Variants in MED13L observed in about 807,000 individuals in gnomAD.
The protein encoded by MED13L is mediator of RNA polymerase II transcription subunit 13-like.
MED13L carries 7 observed loss-of-function variants against 220.9 expected under a neutral mutation model. The observed-to-expected ratio is 0.03, with a 90% CI of 0.02 to 0.06. The LOEUF is 0.06. Ranked by LOEUF, MED13L falls within the 10% of genes least tolerant of loss-of-function variation. The pLI, the probability that MED13L is intolerant of heterozygous loss-of-function variation, is 1.00. For synonymous variants in MED13L, 1,011 were observed against 1,015.2 expected (o/e 1.00, Z 0.08); for missense variants, 1,965 against 2,760.5 (o/e 0.71, Z 6.46).
At chr12:116,160,023 T>C (rs2138131899) in intron 2 of MED13L, among the ~76,000 whole-genome samples, 1 of 152,346 alleles carries the variant, frequency 6.6e-6, no homozygotes, top group East Asian at 1.9e-4. Flanking sequence ...ACGCAGACCC[T>C]GTGATTTCTT....
intron 19 of MED13L, among the ~76,000 whole-genome samples, chr12:115,984,698 C>A (rs538974620): frequency 1.3e-5 from 2 of 152,118 alleles, no homozygotes; most frequent in Non-Finnish European, 2.9e-5. Flanking sequence ...CAGATTCCTG[C>A]CTACTGTTGC....
At chr12:116,141,378 T>C (rs1301165610) in intron 2 of MED13L, among the ~76,000 whole-genome samples, 1 of 152,076 alleles carries the variant, frequency 6.6e-6, no homozygotes, top group Admixed American at 6.6e-5. Context: ...GACCCAGAAA[T>C]AGGGTTACAC....
At chr12:116,164,298 A>C (rs898302334) in intron 2 of MED13L, among the ~76,000 whole-genome samples, 4 of 152,206 alleles carry the variant, frequency 2.6e-5, no homozygotes, top group African/African-American at 7.2e-5. Flanking sequence ...TATTTAAACA[A>C]TCTCAAATAA....
At chr12:116,143,344 A>G (rs1057211697) in intron 2 of MED13L, among the ~76,000 whole-genome samples, 1 of 151,898 alleles carries the variant, frequency 6.6e-6, no homozygotes, top group Non-Finnish European at 1.5e-5. Flanking sequence ...AAAAAAAAAA[A>G]AAGAGGGAAA....
chr12:116,226,868 C>CAAA (rs1170342196), intron 2 of MED13L, among the ~76,000 whole-genome samples: 1 of 63,876 alleles, frequency 1.6e-5, no homozygotes, highest in Non-Finnish European at 3.0e-5. Flanking sequence ...GACTCCATCT[C>CAAA]AAAAAAAAAA....
intron 13 of MED13L, among the ~76,000 whole-genome samples, 193 bp downstream of exon 13, chr12:116,005,676 C>A (rs528795005): frequency 6.6e-6 from 1 of 152,248 alleles, no homozygotes; most frequent in East Asian, 1.9e-4. Context: ...CCTTTACAAT[C>A]TTTTCCAAGT....
chr12:115,997,436 T>A (rs1279667255), intron 14 of MED13L, among the ~76,000 whole-genome samples: 1 of 152,204 alleles, frequency 6.6e-6, no homozygotes, highest in Non-Finnish European at 1.5e-5. Flanking sequence ...TTGTTTTGTT[T>A]CGTGAGACAA....
intron 1 of MED13L, among the ~76,000 whole-genome samples, chr12:116,251,498 G>A (rs1221698021): frequency 6.9e-6 from 1 of 144,468 alleles, no homozygotes; most frequent in Admixed American, 6.8e-5. Flanking sequence ...GGTGGCTCAC[G>A]CCTGTAATCC....
intron 8 of MED13L, among the ~76,000 whole-genome samples, chr12:116,013,229 G>T (rs935658472): frequency 6.6e-6 from 1 of 152,138 alleles, no homozygotes; most frequent in African/African-American, 2.4e-5. Context: ...AATTAGCCGG[G>T]CATGGTGGCG....
intron 2 of MED13L, among the ~76,000 whole-genome samples, chr12:116,187,850 G>A (rs6490050): frequency 0.43 from 64,410 of 150,874 alleles, 13,888 homozygotes; most frequent in South Asian, 0.49. Context: ...GGGCCTGGAG[G>A]GTACTGCTTT....
chr12:116,136,049 C>T (rs1876523204), intron 2 of MED13L, among the ~76,000 whole-genome samples: 1 of 151,962 alleles, frequency 6.6e-6, no homozygotes, highest in Non-Finnish European at 1.5e-5. Flanking sequence ...ATTACAGGCA[C>T]CCGCCACCAT....
chr12:116,050,800 G>C (rs1039276451), intron 4 of MED13L, among the ~76,000 whole-genome samples: 1 of 152,068 alleles, frequency 6.6e-6, no homozygotes, highest in Non-Finnish European at 1.5e-5. Context: ...TCAGCCAGGC[G>C]TGGTGGCACA....
intron 2 of MED13L, among the ~76,000 whole-genome samples, chr12:116,195,114 A>C (rs1486434284): frequency 6.6e-6 from 1 of 152,212 alleles, no homozygotes; most frequent in Admixed American, 6.5e-5. Flanking sequence ...TTCAGGAAGT[A>C]TGTCTTCTCA....
chr12:116,011,094 T>C (rs75106994), intron 9 of MED13L, among the ~76,000 whole-genome samples: 9,442 of 151,588 alleles, frequency 0.062, 398 homozygotes, highest in Middle Eastern at 0.11. Flanking sequence ...ACCATGTTGG[T>C]CAGGCTGGTC....
intron 1 of MED13L, among the ~76,000 whole-genome samples, chr12:116,260,723 C>G (rs1872452692): frequency 6.6e-6 from 1 of 152,092 alleles, no homozygotes; most frequent in Non-Finnish European, 1.5e-5. Context: ...ACTGGTTCCC[C>G]AAATCTGGCC....
intron 19 of MED13L, among the ~76,000 whole-genome samples, chr12:115,985,647 A>G (rs1246700382): frequency 6.6e-6 from 1 of 152,218 alleles, no homozygotes; most frequent in African/African-American, 2.4e-5. Context: ...AAAGACAGAC[A>G]TGATTCTATT....
At chr12:115,978,366 G>A (rs1479562685) in intron 23 of MED13L, among the ~76,000 whole-genome samples, 4 of 138,258 alleles carry the variant, frequency 2.9e-5, no homozygotes, top group African/African-American at 5.5e-5. Context: ...TCACTCTGTC[G>A]CCGAGACTGG....
chr12:115,974,828 T>C (rs1876825087), intron 25 of MED13L, among the ~76,000 whole-genome samples: 1 of 152,208 alleles, frequency 6.6e-6, no homozygotes, highest in Non-Finnish European at 1.5e-5. Flanking sequence ...CTGTCACCTA[T>C]AATCACTGAT....
intron 4 of MED13L, among the ~76,000 whole-genome samples, chr12:116,035,615 G>A (rs149532886): frequency 1.3e-5 from 2 of 151,872 alleles, no homozygotes; most frequent in African/African-American, 4.8e-5. Context: ...TTTAGAGACA[G>A]GGTCTCGTTC....
Sources: gnomAD v4.1 joint callset for allele counts (sites outside exome capture counted in the v4.1 genomes callset) on GRCh38, gnomAD v4.1.1 for gene constraint, MANE v1.5 for transcripts, NCBI Gene and HGNC (gene_info 2026-07-23, HGNC 2026-07-21) for gene names.